The following CHST15 variants were observed in gnomAD, a reference collection of about 807,000 sequenced individuals.
The protein encoded by CHST15 is carbohydrate sulfotransferase 15, also known as B cell RAG associated protein (GALNAC4S-6ST).
Under a neutral mutation model 53.6 loss-of-function variants are expected in CHST15, and 30 were observed. The observed-to-expected ratio is 0.56, with a 90% confidence interval of 0.42 to 0.76. CHST15 has a LOEUF of 0.76. Among genes scored for constraint, CHST15 ranks in the 30% least tolerant of loss-of-function variants. The probability of loss-of-function intolerance (pLI) is 0.00; values close to 1 mark genes in which losing one functional copy is unlikely to be tolerated. For synonymous variants in CHST15, 296 were observed against 289.8 expected, an observed-to-expected ratio of 1.02 and a Z score of -0.22; for missense variants, 627 against 740.5, an observed-to-expected ratio of 0.85 and a Z score of 1.78.
At chr10:124,045,129 A>AAAC (rs1564882179) in intron 2 of CHST15, among the ~76,000 whole-genome samples, 25 of 148,280 alleles carry the variant, frequency 1.7e-4, no homozygotes, top group African/African-American at 5.5e-4. Flanking sequence ...AAAAAAAAAA[A>AAAC]AAAAAAAAAA....
intron 5 of CHST15, among the ~76,000 whole-genome samples, chr10:124,033,266 A>G (rs1245613255): frequency 2.0e-5 from 3 of 152,244 alleles, no homozygotes; most frequent in Admixed American, 2.0e-4. Context: ...TATTTTTATA[A>G]ATGTTTAAGA....
At position 124,046,560 on chromosome 10, in the gene CHST15, T is replaced by C; in HGVS notation, c.-348A>G. 1 of 215,212 alleles carries C rather than the reference T, an allele frequency of 4.6e-6. No homozygotes were observed. Among genetic ancestry groups the C allele is most frequent in the Non-Finnish European group, 9.1e-6 (1 of 109,934 alleles). 13.3% of individuals were successfully genotyped at this position (215,212 alleles called of 1,614,324 possible). A position where few individuals can be genotyped will look rare whatever the true frequency, so the allele number is the denominator to read the frequency against. On this transcript the variant is annotated 5_prime_UTR_variant, in exon 2 of 8. Transcript: ENST00000435907. ...AGGTGGAAGAATTCTCACTGGGGAA[T>C]GTGGAAACACACAGAAAATTAAAAG...
chr10:124,078,602 T>C (rs925116492), intron 1 of CHST15, among the ~76,000 whole-genome samples: 6 of 152,154 alleles, frequency 3.9e-5, no homozygotes, highest in African/African-American at 9.7e-5. Flanking sequence ...TAGAGCGCCA[T>C]GTGGACCCGT....
rs966366039 is a variant in CHST15, at chr10:124,020,525, C to T, written c.1347+731G>A. On this transcript the variant is annotated intron_variant, in intron 6 of 7. Coordinates refer to ENST00000435907, the MANE Select transcript of CHST15 (RefSeq NM_001270764.2). ...CAGAGCCTCTTGGCCTGAAGTCCCA[C>T]CACCTGGGGGCTTCCAAGACTCCAC... 4 of 985,414 alleles carry T rather than the reference C, an allele frequency of 4.1e-6. No homozygotes were observed. In the African/African-American group the frequency reaches 5.2e-5, roughly 13 times the overall value. 61.0% of individuals were successfully genotyped at this position (985,414 alleles called of 1,614,324 possible).
intron 1 of CHST15, among the ~76,000 whole-genome samples, chr10:124,087,696 G>A (rs1949473256): frequency 6.6e-6 from 1 of 152,196 alleles, no homozygotes; most frequent in Admixed American, 6.5e-5. Flanking sequence ...GCCTGCCGAA[G>A]CCAGGAGCCC....
chr10:124,052,317 A>G (rs1221249093), intron 1 of CHST15, among the ~76,000 whole-genome samples: 1 of 152,246 alleles, frequency 6.6e-6, no homozygotes, highest in African/African-American at 2.4e-5. Context: ...TGTACAAATT[A>G]TAAATCATCA....
chr10:124,060,028 C>T (rs1948507362), intron 1 of CHST15, among the ~76,000 whole-genome samples: 1 of 152,158 alleles, frequency 6.6e-6, no homozygotes, highest in Non-Finnish European at 1.5e-5. Context: ...CTAAGCCTGC[C>T]AAGAGGTGAG....
chr10:124,064,974 C>T (rs889743364), intron 1 of CHST15, among the ~76,000 whole-genome samples: 3 of 152,082 alleles, frequency 2.0e-5, no homozygotes, highest in Non-Finnish European at 2.9e-5. Flanking sequence ...TTCTTTTGTT[C>T]GCTTTTACAA....
chr10:124,082,268 G>A (rs1180394892), intron 1 of CHST15, among the ~76,000 whole-genome samples: 1 of 152,182 alleles, frequency 6.6e-6, no homozygotes, highest in Non-Finnish European at 1.5e-5. Flanking sequence ...TTTAGTAAGA[G>A]TTTAGGGAGA....
intron 7 of CHST15, chr10:124,011,358 T>G (rs1206720153): frequency 1.0e-6 from 1 of 976,972 alleles, no homozygotes. Context: ...AGAGTCAACA[T>G]GTGGTCAAAT....
rs527282589 is a variant in CHST15, at chr10:124,044,602, G to C, written c.864C>G (p.His288Gln). 2 of 1,566,638 alleles carry C rather than the reference G, an allele frequency of 1.3e-6. No individual in the cohort carries two copies. Among genetic ancestry groups the C allele is most frequent in the African/African-American group, 1.4e-5 (1 of 72,796 alleles). The stretch of plus-strand genomic sequence containing the variant: ...CACCAAAGCGCTTCCGGGTCCACCA[G>C]TGTGGCTCCTTGATGGCGGAGAACT... Reference protein sequence around the residue: ...EVKFSAIKEPHWWTRKRFGIV... With the variant: ...EVKFSAIKEPQWWTRKRFGIV... Residue 288 changes from histidine (H) to glutamine (Q), a missense_variant, in exon 3 of 8, where the codon CAC becomes CAG. This residue lies in a region of CHST15 where 279 missense variants were observed against 371.6 expected (regional missense o/e 0.75). Coordinates refer to ENST00000435907, the MANE Select transcript of CHST15 (RefSeq NM_001270764.2).
chr10:124,020,011 G>A lies in CHST15; in HGVS notation c.1347+1245C>T, dbSNP rs140177443. The stretch of plus-strand genomic sequence containing the variant: ...CTCCTAAGAACCTGCCTGAAGCCCC[G>A]TTCTCAGGTGGTTCTCTGGTGGCCA... On this transcript the variant is annotated intron_variant, in intron 6 of 7. Transcript: ENST00000435907. The A allele has an allele frequency of 1.8e-3, 1,744 of 985,632 alleles. 18 individuals carry two copies. In the Admixed American group the frequency reaches 0.028, roughly 16 times the overall value. The allele number at this position is 985,632 out of a possible 1,614,324, so 61.1% of individuals were successfully genotyped here.
At chr10:124,039,134 G>C (rs1247569658) in intron 4 of CHST15, among the ~76,000 whole-genome samples, 1 of 152,128 alleles carries the variant, frequency 6.6e-6, no homozygotes, top group Non-Finnish European at 1.5e-5. Context: ...TTTTGAAAAT[G>C]GTTTTCCTGT....
intron 1 of CHST15, among the ~76,000 whole-genome samples, chr10:124,073,856 A>G (rs1471499898): frequency 6.6e-6 from 1 of 152,146 alleles, no homozygotes; most frequent in Non-Finnish European, 1.5e-5. Flanking sequence ...CCCGCCTCTC[A>G]GTCAGACGGC....
chr10:124,042,255 C>A (rs760638993), intron 4 of CHST15, 46 bp downstream of exon 4: 1 of 1,574,412 alleles, frequency 6.4e-7, no homozygotes, highest in Admixed American at 1.7e-5. Context: ...AGAGCCAGGA[C>A]CCCAGGGAGG....
chr10:124,018,506 G>A (rs1946661576), intron 6 of CHST15, among the ~76,000 whole-genome samples: 3 of 152,246 alleles, frequency 2.0e-5, no homozygotes, highest in Non-Finnish European at 4.4e-5. Context: ...ACACAGCCAG[G>A]CCTGTCTGTT....
chr10:124,030,255 C>T lies in CHST15; in HGVS notation c.1190+8260G>A, dbSNP rs561049325. 2.0e-5 allele frequency among the ~76,000 whole-genome samples: 3 copies of T among 152,284 alleles called. No individual in the cohort carries two copies. The South Asian group carries it at 6.2e-4, about 32-fold the overall frequency. Reference sequence around the variant, plus strand: ...CCCCGCTCTGTGATCGAGGCCAACCCCCTTGACCTCAGGTGGCTCAACAGC... The same window carrying T: ...CCCCGCTCTGTGATCGAGGCCAACCTCCTTGACCTCAGGTGGCTCAACAGC... On this transcript the variant is annotated intron_variant, in intron 5 of 7. Coordinates refer to ENST00000435907, the MANE Select transcript of CHST15 (RefSeq NM_001270764.2).
chr10:124,058,851 T>C (rs1424330727), intron 1 of CHST15, among the ~76,000 whole-genome samples: 1 of 152,248 alleles, frequency 6.6e-6, no homozygotes, highest in Non-Finnish European at 1.5e-5. Flanking sequence ...TGACACCAGC[T>C]AACATGTGTT....
intron 1 of CHST15, among the ~76,000 whole-genome samples, chr10:124,084,424 T>C (rs1032070851): frequency 4.6e-5 from 7 of 152,022 alleles, no homozygotes; most frequent in African/African-American, 1.2e-4. Context: ...AAGGTGACCA[T>C]TGAAGGCTGC....
Sources: allele counts gnomAD v4.1 joint callset (sites outside exome capture counted in the v4.1 genomes callset), GRCh38; gene constraint gnomAD v4.1.1; regional missense constraint gnomAD v4.1.1; transcripts MANE v1.5; gene names NCBI Gene and HGNC (gene_info 2026-07-23, HGNC 2026-07-21).